Variants in IL6 observed in about 807,000 individuals in gnomAD.
IL6 encodes the protein interleukin-6.
IL6 carries 5 observed loss-of-function variants against 18.0 expected under a neutral mutation model. That is an observed-to-expected ratio of 0.28 (90% CI 0.15 to 0.58). The LOEUF is 0.58. Among genes scored for constraint, IL6 ranks in the 20% least tolerant of loss-of-function variants. The probability of loss-of-function intolerance (pLI) is 0.90; values close to 1 mark genes in which losing one functional copy is unlikely to be tolerated. For missense variants in IL6, 266 were observed against 251.0 expected, an observed-to-expected ratio of 1.06 and a Z score of -0.40; for synonymous variants, 97 against 95.1, an observed-to-expected ratio of 1.02 and a Z score of -0.12.
intron 2 of IL6, 121 bp from the exon 3 acceptor site, chr7:22,728,572 T>A (rs1451093487): frequency 4.6e-6 from 3 of 653,580 alleles, no homozygotes; most frequent in Admixed American, 2.5e-5. Flanking sequence ...AGGATGCCAA[T>A]GAGTTGTAGC....
intron 4 of IL6, chr7:22,730,294 G>C: frequency 1.0e-6 from 1 of 985,280 alleles, no homozygotes; most frequent in Non-Finnish European, 1.2e-6. Flanking sequence ...TTCTACTTAA[G>C]CCAGGGTTTC....
At chr7:22,731,219 C>A (rs1297475609) in intron 4 of IL6, among the ~76,000 whole-genome samples, 187 bp from the exon 5 acceptor site, 4 of 150,886 alleles carry the variant, frequency 2.7e-5, no homozygotes, top group Non-Finnish European at 5.9e-5. Context: ...AGAACGAGAC[C>A]TTGACTCAAA....
chr7:22,727,371 G>A (rs1784026797), intron 1 of IL6, 73 bp from the exon 2 acceptor site: 1 of 1,613,450 alleles, frequency 6.2e-7, no homozygotes, highest in Non-Finnish European at 8.5e-7. Flanking sequence ...AGGGCTGGCG[G>A]GCGGCCAGCA....
At position 22,727,278 on chromosome 7, in the gene IL6, A is replaced by G. The variant is rs569143621; in HGVS notation, c.16A>G (p.Thr6Ala). 3.1e-6 allele frequency: 5 copies of G among 1,613,866 alleles called. No homozygotes were observed. The East Asian group carries it at 1.1e-4, about 36-fold the overall frequency. Reference sequence around the variant, plus strand: ...GAGCCCAGCTATGAACTCCTTCTCCACAAGTAAGTGCAGGAAATCCTTAGC... The same window carrying G: ...GAGCCCAGCTATGAACTCCTTCTCCGCAAGTAAGTGCAGGAAATCCTTAGC... MNSFS[T>A]SAFGPVAFSL... Residue 6 changes from threonine (T) to alanine (A), a missense_variant, in exon 1 of 5, where the codon ACA becomes GCA. Physicochemically the swap from Thr to Ala is moderately conservative, Grantham distance 58. Transcript: ENST00000258743.
rs1467013487 is a variant in IL6 at position 22,727,634 on chromosome 7, G to A, written c.210G>A (p.Glu70=). The change falls in exon 2 of 5, where the codon GAG becomes GAA. Residue 70 remains glutamate (E), a splice_region_variant and synonymous_variant. Coordinates refer to ENST00000258743, the MANE Select transcript of IL6 (RefSeq NM_000600.5). ...ILDGISALRK[E]TCNKSNMCES... Reference sequence around the variant, plus strand: ...ACGGCATCTCAGCCCTGAGAAAGGAGGTGGGTAGGCTTGGCGATGGGGTTG... The same window carrying A: ...ACGGCATCTCAGCCCTGAGAAAGGAAGTGGGTAGGCTTGGCGATGGGGTTG... The A allele has an allele frequency of 1.3e-6, 2 of 1,539,926 alleles. No individual in the cohort carries two copies. Among genetic ancestry groups the A allele is most frequent in the Admixed American group, 2.0e-5 (1 of 49,034 alleles).
In IL6 at chr7:22,727,766, G is replaced by A; in HGVS notation, c.210+132G>A. On this transcript the variant is annotated intron_variant, in intron 2 of 4. Coordinates refer to ENST00000258743, the MANE Select transcript of IL6 (RefSeq NM_000600.5). ...AGAGCACTGTAGATTTGAGGCCAAC[G>A]GGGCCGACTAGACTGACTTCTGTAT... 5.3e-6 allele frequency: 5 copies of A among 946,668 alleles called. No homozygotes were observed. In the South Asian group the frequency reaches 7.3e-5, roughly 14 times the overall value. 58.6% of individuals were successfully genotyped at this position (946,668 alleles called of 1,614,324 possible).
intron 4 of IL6, chr7:22,730,338 ATCT>A: frequency 1.0e-6 from 1 of 968,750 alleles, no homozygotes; most frequent in Non-Finnish European, 1.2e-6. Context: ...TTCCCTGGGC[ATCT>A]TCTTGTGGTG....
At position 22,731,558 on chromosome 7, in the gene IL6, T is replaced by G. The variant is rs1183924898; in HGVS notation, c.624T>G (p.Ala208=). ...FKEFLQSSLR[A]LRQM ...AGTTCCTGCAGTCCAGCCTGAGGGC[T>G]CTTCGGCAAATGTAGCATGGGCACC... The change falls in exon 5 of 5, where the codon GCT becomes GCG. Residue 208 remains alanine (A), a synonymous_variant. Coordinates refer to ENST00000258743, the MANE Select transcript of IL6 (RefSeq NM_000600.5). 3 of 1,600,428 alleles carry G rather than the reference T, an allele frequency of 1.9e-6. No individual in the cohort carries two copies. The highest frequency in any genetic ancestry group is 2.6e-6 in the Non-Finnish European group (3 of 1,170,570).
chr7:22,727,607 C>T lies in IL6; in HGVS notation c.183C>T (p.Leu61=), dbSNP rs140764737. ...TTGACAAACAAATTCGGTACATCCT[C>T]GACGGCATCTCAGCCCTGAGAAAGG... ...ERIDKQIRYI[L]DGISALRKET... Residue 61 remains leucine (L), a synonymous_variant, in exon 2 of 5, where the codon CTC becomes CTT. Coordinates refer to ENST00000258743, the MANE Select transcript of IL6 (RefSeq NM_000600.5). The T allele has an allele frequency of 1.2e-3, 1,807 of 1,565,406 alleles. 1 individual carries two copies. The highest frequency in any genetic ancestry group is 1.3e-3 in the Non-Finnish European group (1,523 of 1,156,310).
chr7:22,731,017 T>C (rs1420871305), intron 4 of IL6, among the ~76,000 whole-genome samples: 2 of 151,832 alleles, frequency 1.3e-5, no homozygotes, highest in South Asian at 2.1e-4. Context: ...GGGTGGATCA[T>C]TTGAGGCCAG....
intron 4 of IL6, among the ~76,000 whole-genome samples, chr7:22,730,786 C>G (rs1214309145): frequency 1.3e-5 from 2 of 152,122 alleles, no homozygotes; most frequent in Non-Finnish European, 2.9e-5. Flanking sequence ...GTGAGAACTC[C>G]TTGAACTCCT....
At chr7:22,727,422 C>A in intron 1 of IL6, 22 bp from the exon 2 acceptor site, 1 of 1,613,614 alleles carries the variant, frequency 6.2e-7, no homozygotes, top group Non-Finnish European at 8.5e-7. Context: ...CTCACCCCTG[C>A]GCTCGCTCCC....
At chr7:22,728,314 C>G (rs982439990) in intron 2 of IL6, among the ~76,000 whole-genome samples, 4 of 152,212 alleles carry the variant, frequency 2.6e-5, no homozygotes, top group Non-Finnish European at 4.4e-5. Flanking sequence ...CTCATAGATC[C>G]TTCCTGCTGG....
At chr7:22,731,183 C>A (rs569016990) in intron 4 of IL6, among the ~76,000 whole-genome samples, 14 of 151,590 alleles carry the variant, frequency 9.2e-5, no homozygotes, top group African/African-American at 3.4e-4. Flanking sequence ...GGTTGCTGTG[C>A]ACCACTGCAC....
At chr7:22,731,317 G>T in intron 4 of IL6, 89 bp from the exon 5 acceptor site, 2 of 1,044,572 alleles carry the variant, frequency 1.9e-6, no homozygotes, top group South Asian at 2.2e-5. Flanking sequence ...TTTCACATTT[G>T]AACATCATCC....
chr7:22,727,312 T>C, intron 1 of IL6, 31 bp downstream of exon 1: 2 of 1,614,042 alleles, frequency 1.2e-6, no homozygotes, highest in Non-Finnish European at 1.7e-6. Flanking sequence ...GCCCTGGAAC[T>C]GCCAGCGGCG....
intron 2 of IL6, 57 bp downstream of exon 2, chr7:22,727,691 CCTG>C: frequency 3.3e-6 from 5 of 1,515,172 alleles, no homozygotes; most frequent in Non-Finnish European, 4.4e-6. Flanking sequence ...TCCCCTTGCC[CCTG>C]CGTGTGGCCG....
In IL6 at chr7:22,727,590, C is replaced by G. The variant is rs1562645299; in HGVS notation, c.166C>G (p.Gln56Glu). The change falls in exon 2 of 5, where the codon CAA becomes GAA. Residue 56 changes from glutamine to glutamate, a missense_variant. Transcript: ENST00000258743. ...CACCTCTTCAGAACGAATTGACAAA[C>G]AAATTCGGTACATCCTCGACGGCAT... is the stretch of plus-strand genomic sequence containing the variant. Reference protein sequence around the residue: ...PLTSSERIDKQIRYILDGISA... With the variant: ...PLTSSERIDKEIRYILDGISA... 1 of 1,583,302 alleles carries G rather than the reference C, an allele frequency of 6.3e-7. No individual in the cohort carries two copies. Among genetic ancestry groups the G allele is most frequent in the Non-Finnish European group, 8.6e-7 (1 of 1,165,838 alleles).
In IL6 at chr7:22,731,424, A is replaced by G; in HGVS notation, c.490A>G (p.Ile164Val). ...LQKKAKNLDAITTPDPTTNAS... is the reference protein window; with the variant it reads ...LQKKAKNLDAVTTPDPTTNAS... The stretch of plus-strand genomic sequence containing the variant: ...CCTTCAGGCAAAGAATCTAGATGCA[A>G]TAACCACCCCTGACCCAACCACAAA... Residue 164 changes from isoleucine to valine, a missense_variant, in exon 5 of 5, where the codon ATA becomes GTA. Physicochemically the swap from Ile to Val is conservative, Grantham distance 29. Transcript: ENST00000258743. 1 of 1,576,232 alleles carries G rather than the reference A, an allele frequency of 6.3e-7. No individual in the cohort carries two copies. Among genetic ancestry groups the G allele is most frequent in the Non-Finnish European group, 8.6e-7 (1 of 1,156,854 alleles).
Sources: allele counts gnomAD v4.1 joint callset (sites outside exome capture counted in the v4.1 genomes callset), GRCh38; gene constraint gnomAD v4.1.1; transcripts MANE v1.5; gene names NCBI Gene and HGNC (gene_info 2026-07-23, HGNC 2026-07-21).